EXOC6: variants seen among roughly 807,000 people sequenced by gnomAD.
EXOC6 encodes exocyst complex component 6.
A neutral mutation model predicts 112.5 loss-of-function variants in EXOC6; 60 were observed. That is an observed-to-expected ratio of 0.53 (90% CI 0.43 to 0.66). The LOEUF is 0.66. Ranked by LOEUF, EXOC6 falls within the 30% of genes least tolerant of loss-of-function variation. The pLI, the probability that EXOC6 is intolerant of heterozygous loss-of-function variation, is 0.00. For missense variants in EXOC6, 855 were observed against 957.1 expected (o/e 0.89, Z 1.41); for synonymous variants, 295 against 308.0 (o/e 0.96, Z 0.44).
intron 6 of EXOC6, among the ~76,000 whole-genome samples, chr10:92,914,138 G>C (rs563427021): frequency 1.1e-4 from 16 of 152,304 alleles, no homozygotes; most frequent in South Asian, 2.1e-4. Flanking sequence ...TACTGCCTGA[G>C]CTCCGCCTCC....
At chr10:92,947,361 T>A (rs1251849876) in intron 13 of EXOC6, among the ~76,000 whole-genome samples, 1 of 152,198 alleles carries the variant, frequency 6.6e-6, no homozygotes, top group Non-Finnish European at 1.5e-5. Context: ...CACATGTCAC[T>A]TCCATTCACA....
intron 1 of EXOC6, among the ~76,000 whole-genome samples, chr10:92,855,106 C>G (rs546658066): frequency 2.6e-5 from 4 of 152,124 alleles, no homozygotes; most frequent in Non-Finnish European, 5.9e-5. Context: ...TTTTTAGAGA[C>G]AAAATCTCAC....
chr10:92,860,180 C>T (rs1217636289), intron 1 of EXOC6, among the ~76,000 whole-genome samples: 1 of 151,240 alleles, frequency 6.6e-6, no homozygotes, highest in East Asian at 1.9e-4. Flanking sequence ...TAAGATTTAG[C>T]ATTTTAATAA....
intron 14 of EXOC6, among the ~76,000 whole-genome samples, chr10:92,949,396 G>T (rs1420443542): frequency 6.6e-6 from 1 of 152,072 alleles, no homozygotes; most frequent in African/African-American, 2.4e-5. Context: ...AATACAAGAG[G>T]CCAGAATAAT....
chr10:92,916,796 A>G (rs1371010399), intron 7 of EXOC6, among the ~76,000 whole-genome samples: 3 of 152,100 alleles, frequency 2.0e-5, no homozygotes, highest in Non-Finnish European at 4.4e-5. Flanking sequence ...TTTTCTGTAT[A>G]TATTTTTATT....
chr10:93,047,563 AAG>A (rs1381538627), intron 20 of EXOC6, among the ~76,000 whole-genome samples: 1 of 150,976 alleles, frequency 6.6e-6, no homozygotes, highest in Non-Finnish European at 1.5e-5. Flanking sequence ...ACAAAACAAA[AAG>A]AGGAGAAGAA....
intron 14 of EXOC6, among the ~76,000 whole-genome samples, 194 bp downstream of exon 14, chr10:92,948,573 C>T (rs11187224): frequency 3.8e-4 from 53 of 140,178 alleles, no homozygotes; most frequent in African/African-American, 6.6e-4. Flanking sequence ...CTACTACTAC[C>T]ACTACTACTA....
At chr10:92,890,855 G>A (rs1051362008) in intron 1 of EXOC6, among the ~76,000 whole-genome samples, 11 of 152,228 alleles carry the variant, frequency 7.2e-5, no homozygotes, top group Non-Finnish European at 2.9e-5. Flanking sequence ...CTTATGGGCT[G>A]TTGTAAGATA....
intron 4 of EXOC6, among the ~76,000 whole-genome samples, chr10:92,896,197 T>A (rs1179871323): frequency 0.052 from 1,951 of 37,188 alleles, 119 homozygotes; most frequent in Non-Finnish European, 0.071. Flanking sequence ...TTTTTTTTTT[T>A]TTTTTTTTTT....
chr10:93,000,378 T>C (rs1271402102), intron 19 of EXOC6, among the ~76,000 whole-genome samples: 1 of 152,168 alleles, frequency 6.6e-6, no homozygotes, highest in African/African-American at 2.4e-5. Context: ...TATCCTGCCA[T>C]AGGATAGTTT....
At chr10:92,975,309 G>T (rs1165319242) in intron 18 of EXOC6, among the ~76,000 whole-genome samples, 1 of 151,736 alleles carries the variant, frequency 6.6e-6, no homozygotes, top group African/African-American at 2.4e-5. Flanking sequence ...CGTCTGAGAA[G>T]TGAGGAGACC....
Position 92,933,984 on chromosome 10 carries a change from CTTTTTG to C in EXOC6, c.973-157_973-152del, listed in dbSNP as rs1589859463. Among the ~76,000 whole-genome samples the C allele has an allele frequency of 2.0e-5, 3 of 151,972 alleles. No individual in the cohort carries two copies. In the East Asian group the frequency reaches 5.8e-4, roughly 29 times the overall value. On this transcript the variant is annotated intron_variant, in intron 9 of 21. Coordinates refer to ENST00000260762, the MANE Select transcript of EXOC6 (RefSeq NM_019053.6). Reference sequence around the variant, plus strand: ...AATGTACGTTCCATGAGAGTAAGGACTTTTTGTTATTTACAGATATATCCCTGGTAC... The same window carrying C: ...AATGTACGTTCCATGAGAGTAAGGACTTATTTACAGATATATCCCTGGTAC...
At chr10:92,992,250 T>A (rs1314973171) in intron 18 of EXOC6, among the ~76,000 whole-genome samples, 1 of 134,194 alleles carries the variant, frequency 7.5e-6, no homozygotes, top group Non-Finnish European at 1.5e-5. Context: ...ATCCTTCCAT[T>A]GCTCTCCAGC....
intron 2 of EXOC6, 21 bp downstream of exon 2, chr10:92,893,541 A>G (rs1401776417): frequency 4.4e-6 from 7 of 1,584,156 alleles, no homozygotes; most frequent in Non-Finnish European, 6.0e-6. Flanking sequence ...TGTTAAAATT[A>G]TTTGCCTTTG....
chr10:92,997,247 A>G (rs995447966), intron 18 of EXOC6, among the ~76,000 whole-genome samples: 18 of 152,166 alleles, frequency 1.2e-4, no homozygotes, highest in Admixed American at 9.2e-4. Flanking sequence ...TAGAGCTTTA[A>G]TGATATTTAT....
In EXOC6 at chr10:93,057,960, G is replaced by A. The variant is rs114701044; in HGVS notation, c.2283-263G>A. On this transcript the variant is annotated intron_variant, in intron 21 of 21. Coordinates refer to ENST00000260762, the MANE Select transcript of EXOC6 (RefSeq NM_019053.6). ...CTTTGTGGAATAATATTAGAAAATA[G>A]TATGATAGTAGTAAACCTAGCATAT... Among the ~76,000 whole-genome samples the A allele has an allele frequency of 3.5e-3, 533 of 152,250 alleles. 6 individuals carry two copies. Among genetic ancestry groups the A allele is most frequent in the African/African-American group, 0.012 (511 of 41,556 alleles).
intron 19 of EXOC6, among the ~76,000 whole-genome samples, chr10:93,000,102 G>A (rs1784738986): frequency 1.3e-5 from 2 of 152,156 alleles, no homozygotes; most frequent in Admixed American, 1.3e-4. Flanking sequence ...GCAGTTTCAG[G>A]CATCCATTGG....
intron 1 of EXOC6, among the ~76,000 whole-genome samples, chr10:92,829,261 G>A (rs1846433832): frequency 6.6e-6 from 1 of 152,156 alleles, no homozygotes; most frequent in Non-Finnish European, 1.5e-5. Flanking sequence ...AACTGGTCCA[G>A]CCAATCTGTG....
intron 12 of EXOC6, among the ~76,000 whole-genome samples, chr10:92,938,779 G>C (rs969248207): frequency 1.4e-4 from 21 of 152,114 alleles, no homozygotes; most frequent in Non-Finnish European, 2.2e-4. Context: ...TTACTTACTT[G>C]TAAACGAATA....
Sources: allele counts gnomAD v4.1 joint callset (sites outside exome capture counted in the v4.1 genomes callset), GRCh38; gene constraint gnomAD v4.1.1; transcripts MANE v1.5; gene names NCBI Gene and HGNC (gene_info 2026-07-23, HGNC 2026-07-21).